The following MRPS18B variants were observed in gnomAD, a reference collection of about 807,000 sequenced individuals.
The protein encoded by MRPS18B is mitochondrial ribosomal protein S18B.
Under a neutral mutation model 28.4 loss-of-function variants are expected in MRPS18B, and 27 were observed. The observed-to-expected ratio is 0.95, with a 90% CI of 0.70 to 1.31. The LOEUF is 1.31. Among genes scored for constraint, MRPS18B ranks in the 40% most tolerant of loss-of-function variants. MRPS18B has a pLI of 0.00. For missense variants in MRPS18B, 343 were observed against 335.9 expected (o/e 1.02, Z -0.17); for synonymous variants, 118 against 123.7 (o/e 0.95, Z 0.30).
chr6:30,620,604 C>G (rs1761096721), intron 4 of MRPS18B, among the ~76,000 whole-genome samples: 1 of 151,290 alleles, frequency 6.6e-6, no homozygotes, highest in South Asian at 2.1e-4. Flanking sequence ...GAGTCTTACT[C>G]TGTTGCCAAG....
chr6:30,623,735 C>T (rs1272351257), intron 5 of MRPS18B, among the ~76,000 whole-genome samples: 2 of 151,990 alleles, frequency 1.3e-5, no homozygotes, highest in Non-Finnish European at 2.9e-5. Flanking sequence ...TTTTGCTAAC[C>T]CCTGCTCTGA....
intron 1 of MRPS18B, 118 bp downstream of exon 1, chr6:30,618,061 G>A: frequency 9.3e-7 from 1 of 1,076,380 alleles, no homozygotes; most frequent in Non-Finnish European, 1.4e-6. Context: ...TAGCTGTCTA[G>A]GCAGTACTTC....
rs1476010029 is a variant in MRPS18B at position 30,625,630 on chromosome 6, A to C, written c.610A>C (p.Asn204His). The stretch of plus-strand genomic sequence containing the variant: ...AGGTGACCCCTGGTACCCATGGTAC[A>C]ACTGGAAACAGCCACCGGAGAGAGA... Reference protein sequence around the residue: ...VSGDPWYPWYNWKQPPERELS... With the variant: ...VSGDPWYPWYHWKQPPERELS... The change falls in exon 7 of 7, where the codon AAC becomes CAC. Residue 204 changes from asparagine (N) to histidine (H), a missense_variant. By Grantham distance (68) the Asn-to-His change is moderately conservative. Coordinates refer to ENST00000259873, the MANE Select transcript of MRPS18B (RefSeq NM_014046.4). 7.4e-6 allele frequency: 12 copies of C among 1,613,058 alleles called. No individual in the cohort carries two copies. Among genetic ancestry groups the C allele is most frequent in the Admixed American group, 1.7e-5 (1 of 60,012 alleles).
Position 30,617,931 on chromosome 6 carries a change from T to C in MRPS18B, c.66T>C (p.Ser22=). The C allele has an allele frequency of 2.5e-6, 4 of 1,614,240 alleles. No individual in the cohort carries two copies. Among genetic ancestry groups the C allele is most frequent in the East Asian group, 4.5e-5 (2 of 44,886 alleles). The change falls in exon 1 of 7, where the codon TCT becomes TCC. Residue 22 remains serine, a synonymous_variant. Transcript: ENST00000259873. ...CTATGCTATCTCTCTTCCGAGGTTC[T>C]CACAGAGTTCAGGTAACTCTTCGAA... is the stretch of plus-strand genomic sequence containing the variant. ...RLPMLSLFRG[S]HRVQVPLQTL... is the part of the protein sequence containing the mutation.
intron 5 of MRPS18B, among the ~76,000 whole-genome samples, chr6:30,623,471 G>T (rs1761296731): frequency 6.6e-6 from 1 of 152,092 alleles, no homozygotes; most frequent in Admixed American, 6.6e-5. Flanking sequence ...CTCACAAATT[G>T]TCACATAAGT....
At chr6:30,618,960 C>A (rs1020569511) in intron 1 of MRPS18B, among the ~76,000 whole-genome samples, 3 of 151,994 alleles carry the variant, frequency 2.0e-5, no homozygotes, top group African/African-American at 7.3e-5. Context: ...ACTCTGTTGC[C>A]AGGTTGGAGT....
chr6:30,624,365 G>C (rs949204890), intron 5 of MRPS18B, among the ~76,000 whole-genome samples: 1 of 152,054 alleles, frequency 6.6e-6, no homozygotes, highest in African/African-American at 2.4e-5. Context: ...CAAAATGCTG[G>C]GATTATAGGC....
At position 30,624,863 on chromosome 6, in the gene MRPS18B, A is replaced by G. The variant is rs370251565; in HGVS notation, c.422-20A>G. The G allele has an allele frequency of 5.9e-5, 95 of 1,612,106 alleles. 7 individuals are homozygous for G. The highest frequency in any genetic ancestry group is 3.8e-4 in the East Asian group (17 of 44,866). On this transcript the variant is annotated intron_variant, in intron 5 of 6. Transcript: ENST00000259873. ...ATTATTTACTGTGCCTTAAAGAACA[A>G]GATATTTTTCTCCCCACAGGAGTCT...
chr6:30,621,080 A>G (rs1278668066), intron 4 of MRPS18B, among the ~76,000 whole-genome samples: 3 of 152,210 alleles, frequency 2.0e-5, no homozygotes, highest in East Asian at 1.9e-4. Flanking sequence ...AATATGTGAG[A>G]AGGACAGGAT....
At chr6:30,620,345 A>T (rs578168995) in intron 4 of MRPS18B, among the ~76,000 whole-genome samples, 148 of 152,104 alleles carry the variant, frequency 9.7e-4, no homozygotes, top group African/African-American at 3.2e-3. Context: ...AATAAAAAAA[A>T]TTAAAAAGAA....
At position 30,619,850 on chromosome 6, in the gene MRPS18B, G is replaced by A. The variant is rs771301391; in HGVS notation, c.285+44G>A. On this transcript the variant is annotated intron_variant, in intron 3 of 6. Coordinates refer to ENST00000259873, the MANE Select transcript of MRPS18B (RefSeq NM_014046.4). Reference sequence around the variant, plus strand: ...GATGTGGAGTGCGGGGAGGCCACAAGTAACAGTAACAGCAGCACTTTTTCT... The same window carrying A: ...GATGTGGAGTGCGGGGAGGCCACAAATAACAGTAACAGCAGCACTTTTTCT... 3.7e-6 allele frequency: 6 copies of A among 1,608,330 alleles called. No homozygotes were observed. The South Asian group carries it at 5.5e-5, about 15-fold the overall frequency.
chr6:30,621,274 C>T (rs1286335873), intron 4 of MRPS18B, among the ~76,000 whole-genome samples: 1 of 152,108 alleles, frequency 6.6e-6, no homozygotes, highest in East Asian at 1.9e-4. Flanking sequence ...TGGTGGCAGG[C>T]GCCTATAATC....
intron 6 of MRPS18B, 69 bp from the exon 7 acceptor site, chr6:30,625,433 T>G: frequency 7.1e-7 from 1 of 1,406,870 alleles, no homozygotes; most frequent in Non-Finnish European, 9.6e-7. Context: ...TTTATAATCC[T>G]TTTTCTTACT....
At position 30,625,953 on chromosome 6, in the gene MRPS18B, T is replaced by G. The variant is rs187747154; in HGVS notation, c.*156T>G. 22 of 767,342 alleles carry G rather than the reference T, an allele frequency of 2.9e-5. No homozygotes were observed. In the East Asian group the frequency reaches 5.7e-4, roughly 20 times the overall value. The allele number at this position is 767,342 out of a possible 1,614,324, so 47.5% of individuals were successfully genotyped here. A position where few individuals can be genotyped will look rare whatever the true frequency, so the allele number is the denominator to read the frequency against. On this transcript the variant is annotated 3_prime_UTR_variant, in exon 7 of 7. Coordinates refer to ENST00000259873, the MANE Select transcript of MRPS18B (RefSeq NM_014046.4). ...TCGTCTTTACCAAAAAATACAAAAA[T>G]TAGCTGGGTGTGGTGGTGCACACCT...
rs1471924938 is a variant in MRPS18B, at chr6:30,625,997, G to C, written c.*200G>C. ...CACACCTGTAGTCTCAACTATTGGGGAGGCTAAGGTAGGATCACTTGATCC... is the reference window on the plus strand; with the variant it reads ...CACACCTGTAGTCTCAACTATTGGGCAGGCTAAGGTAGGATCACTTGATCC... On this transcript the variant is annotated 3_prime_UTR_variant, in exon 7 of 7. Transcript: ENST00000259873. The C allele has an allele frequency of 1.0e-5, 6 of 578,478 alleles. No homozygotes were observed. Among genetic ancestry groups the C allele is most frequent in the Non-Finnish European group, 1.8e-5 (6 of 335,054 alleles). 35.8% of individuals were successfully genotyped at this position (578,478 alleles called of 1,614,324 possible).
chr6:30,624,854 TAAAG>T, intron 5 of MRPS18B, 25 bp from the exon 6 acceptor site: 2 of 1,611,076 alleles, frequency 1.2e-6, no homozygotes, highest in Middle Eastern at 1.7e-4. Flanking sequence ...TACTGTGCCT[TAAAG>T]AACAAGATAT....
chr6:30,623,813 T>C (rs1388218853), intron 5 of MRPS18B, among the ~76,000 whole-genome samples: 2 of 152,094 alleles, frequency 1.3e-5, no homozygotes, highest in African/African-American at 4.8e-5. Context: ...TTCACTCTTG[T>C]TGCCCAGGCT....
chr6:30,619,581 G>C lies in MRPS18B; in HGVS notation c.167G>C (p.Trp56Ser). The C allele has an allele frequency of 6.2e-7, 1 of 1,612,678 alleles. No individual in the cohort carries two copies. The highest frequency in any genetic ancestry group is 8.5e-7 in the Non-Finnish European group (1 of 1,179,732). Reference protein sequence around the residue: ...VPISPYKDEPWKYLESEEYQE... With the variant: ...VPISPYKDEPSKYLESEEYQE... The stretch of plus-strand genomic sequence containing the variant: ...ATTTCTCCTTATAAGGATGAGCCCT[G>C]GAAATATCTGGAATCAGAAGGTACC... The change falls in exon 2 of 7, where the codon TGG (tryptophan) becomes TCG (serine). Residue 56 changes from tryptophan to serine, a missense_variant. Coordinates refer to ENST00000259873, the MANE Select transcript of MRPS18B (RefSeq NM_014046.4).
In MRPS18B at chr6:30,626,096, C is replaced by CA. The variant is rs35997671; in HGVS notation, c.*314dup. 38,605 of 203,992 alleles carry CA rather than the reference C, an allele frequency of 0.19. 2,457 individuals are homozygous for CA. The highest frequency in any genetic ancestry group is 0.23 in the African/African-American group (7,911 of 33,720). 12.6% of individuals were successfully genotyped at this position (203,992 alleles called of 1,614,324 possible). A position where few individuals can be genotyped will look rare whatever the true frequency, so the allele number is the denominator to read the frequency against. ...CCTGGGTGACAGCTAGACCCTGTCT[C>CA]AAAAAAAAAAAAAAAGACTGGGAAG... On this transcript the variant is annotated 3_prime_UTR_variant, in exon 7 of 7. Coordinates refer to ENST00000259873, the MANE Select transcript of MRPS18B (RefSeq NM_014046.4).
Sources: allele counts gnomAD v4.1 joint callset (sites outside exome capture counted in the v4.1 genomes callset), GRCh38; gene constraint gnomAD v4.1.1; transcripts MANE v1.5; gene names NCBI Gene and HGNC (gene_info 2026-07-23, HGNC 2026-07-21).